ARHGAP24: variants seen among roughly 807,000 people sequenced by gnomAD.
ARHGAP24 encodes rho GTPase-activating protein 24.
In ARHGAP24, 50 loss-of-function variants were observed where a neutral mutation model predicts 76.4. The observed-to-expected ratio is 0.65, with a 90% CI of 0.52 to 0.83. ARHGAP24 has a LOEUF of 0.83. Among genes scored for constraint, ARHGAP24 ranks in the 40% least tolerant of loss-of-function variants. ARHGAP24 has a pLI of 0.00. For synonymous variants in ARHGAP24, 345 were observed against 323.3 expected (o/e 1.07, Z -0.72); for missense variants, 930 against 914.2 (o/e 1.02, Z -0.22).
At chr4:85,561,427 A>G (rs1340055048) in intron 1 of ARHGAP24, among the ~76,000 whole-genome samples, 2 of 152,206 alleles carry the variant, frequency 1.3e-5, no homozygotes, top group South Asian at 4.1e-4. Flanking sequence ...TGTCGGCACC[A>G]CATTTTGATT....
intron 2 of ARHGAP24, among the ~76,000 whole-genome samples, chr4:85,640,936 C>T (rs938262963): frequency 5.9e-5 from 9 of 151,850 alleles, no homozygotes; most frequent in African/African-American, 2.2e-4. Context: ...GAATGCAGCA[C>T]TCAAGCAAAT....
intron 2 of ARHGAP24, among the ~76,000 whole-genome samples, chr4:85,636,555 TACAC>T (rs34719562): frequency 6.6e-6 from 1 of 150,964 alleles, no homozygotes; most frequent in Non-Finnish European, 1.5e-5. Context: ...TTGGGAATAT[TACAC>T]ACACACACAC....
At chr4:85,617,453 CTT>C (rs1720578868) in intron 2 of ARHGAP24, among the ~76,000 whole-genome samples, 1 of 151,906 alleles carries the variant, frequency 6.6e-6, no homozygotes, top group African/African-American at 2.4e-5. Context: ...TATTGTTCCT[CTT>C]TGTTATAAAG....
chr4:85,733,060 C>CTTTTTTT lies in ARHGAP24; in HGVS notation c.268+11103_268+11109dup, dbSNP rs1210109366. Among the ~76,000 whole-genome samples, 205 of 55,206 alleles carry CTTTTTTT rather than the reference C, an allele frequency of 3.7e-3. 49 individuals carry two copies. Among genetic ancestry groups the CTTTTTTT allele is most frequent in the East Asian group, 0.026 (45 of 1,734 alleles). 36.2% of individuals were successfully genotyped at this position (55,206 alleles called of 152,430 possible). A position where few individuals can be genotyped will look rare whatever the true frequency, so the allele number is the denominator to read the frequency against. Reference sequence around the variant, plus strand: ...CTATAGATCTTATAGGCCTCACCAACTTTTTTTTTTTTTTTTTTTTTGAGA... The same window carrying CTTTTTTT: ...CTATAGATCTTATAGGCCTCACCAACTTTTTTTTTTTTTTTTTTTTTTTTTTTTGAGA... On this transcript the variant is annotated intron_variant, in intron 3 of 9. Coordinates refer to ENST00000395184, the MANE Select transcript of ARHGAP24 (RefSeq NM_001025616.3).
Position 85,835,948 on chromosome 4 carries a change from A to C in ARHGAP24, c.269-87700A>C, listed in dbSNP as rs928995282. Among the ~76,000 whole-genome samples, 3 of 152,148 alleles carry C rather than the reference A, an allele frequency of 2.0e-5. No homozygotes were observed. In the East Asian group the frequency reaches 5.8e-4, roughly 30 times the overall value. ...TGGCCCAGCTGCCTTGGCCTCCCAA[A>C]GTGCTGGGATTACAGGTGCGGCCAG... On this transcript the variant is annotated intron_variant, in intron 3 of 9. Coordinates refer to ENST00000395184, the MANE Select transcript of ARHGAP24 (RefSeq NM_001025616.3).
intron 3 of ARHGAP24, among the ~76,000 whole-genome samples, chr4:85,917,019 G>A (rs866243172): frequency 4.0e-5 from 6 of 151,830 alleles, no homozygotes; most frequent in Admixed American, 6.6e-5. Context: ...CCATTAACTC[G>A]TCATTTAGCA....
At chr4:85,644,691 G>A (rs955314942) in intron 2 of ARHGAP24, among the ~76,000 whole-genome samples, 2 of 152,108 alleles carry the variant, frequency 1.3e-5, no homozygotes, top group East Asian at 3.9e-4. Flanking sequence ...TGTATGTATG[G>A]CATCTCATAA....
chr4:85,921,486 C>A (rs1187869368), intron 3 of ARHGAP24, among the ~76,000 whole-genome samples: 1 of 151,900 alleles, frequency 6.6e-6, no homozygotes, highest in African/African-American at 2.4e-5. Flanking sequence ...CCCCATGACA[C>A]AAGTTTATCT....
intron 3 of ARHGAP24, among the ~76,000 whole-genome samples, chr4:85,757,427 T>G (rs1054977779): frequency 6.6e-6 from 1 of 151,852 alleles, no homozygotes; most frequent in Non-Finnish European, 1.5e-5. Context: ...CCAAGTGTTC[T>G]CATTGTTCAA....
chr4:85,491,901 C>T (rs1001947191), intron 1 of ARHGAP24, among the ~76,000 whole-genome samples: 1 of 152,142 alleles, frequency 6.6e-6, no homozygotes, highest in Non-Finnish European at 1.5e-5. Context: ...ACCACATCAC[C>T]AGCTTATTTA....
intron 2 of ARHGAP24, among the ~76,000 whole-genome samples, chr4:85,615,950 AGAC>A (rs1720526928): frequency 6.6e-6 from 1 of 152,212 alleles, no homozygotes; most frequent in South Asian, 2.1e-4. Flanking sequence ...GTCTATTCTA[AGAC>A]AACATCTTTG....
At chr4:85,780,838 A>G (rs1207018742) in intron 3 of ARHGAP24, among the ~76,000 whole-genome samples, 5 of 152,214 alleles carry the variant, frequency 3.3e-5, no homozygotes, top group Non-Finnish European at 7.3e-5. Context: ...AGAGGTTGCC[A>G]TGGAAGTAGT....
At chr4:85,886,617 G>A (rs766229133) in intron 3 of ARHGAP24, among the ~76,000 whole-genome samples, 3 of 152,084 alleles carry the variant, frequency 2.0e-5, no homozygotes, top group African/African-American at 4.8e-5. Flanking sequence ...CTTTAAAACC[G>A]ATACATATCC....
intron 5 of ARHGAP24, among the ~76,000 whole-genome samples, chr4:85,964,956 T>C (rs1397249499): frequency 1.3e-5 from 2 of 152,104 alleles, no homozygotes; most frequent in African/African-American, 4.8e-5. Context: ...TTGTACATGA[T>C]AAACTAGCAT....
intron 1 of ARHGAP24, among the ~76,000 whole-genome samples, chr4:85,539,472 A>G (rs1251249864): frequency 6.6e-5 from 10 of 152,194 alleles, no homozygotes; most frequent in African/African-American, 2.4e-4. Context: ...GTTTGAAGAA[A>G]TAAATGGTCA....
intron 3 of ARHGAP24, among the ~76,000 whole-genome samples, chr4:85,887,971 G>A (rs1733658598): frequency 6.6e-6 from 1 of 151,994 alleles, no homozygotes; most frequent in African/African-American, 2.4e-5. Flanking sequence ...AGAACATCCT[G>A]GGTCATATAT....
At chr4:85,559,057 T>C (rs905894840) in intron 1 of ARHGAP24, among the ~76,000 whole-genome samples, 3 of 152,202 alleles carry the variant, frequency 2.0e-5, no homozygotes, top group Admixed American at 1.3e-4. Context: ...GGAGGGGCTC[T>C]ATAAATTATA....
At chr4:85,915,420 T>G (rs1735327210) in intron 3 of ARHGAP24, among the ~76,000 whole-genome samples, 2 of 152,146 alleles carry the variant, frequency 1.3e-5, no homozygotes, top group South Asian at 4.1e-4. Context: ...AGTCATCACT[T>G]TCTTATTTAT....
intron 2 of ARHGAP24, among the ~76,000 whole-genome samples, chr4:85,674,374 G>C (rs1722905885): frequency 6.6e-6 from 1 of 152,184 alleles, no homozygotes; most frequent in Non-Finnish European, 1.5e-5. Flanking sequence ...TATCTTCCCT[G>C]TCAAAGATGC....
Sources: gnomAD v4.1 joint callset for allele counts (sites outside exome capture counted in the v4.1 genomes callset) on GRCh38, gnomAD v4.1.1 for gene constraint, MANE v1.5 for transcripts, NCBI Gene and HGNC (gene_info 2026-07-23, HGNC 2026-07-21) for gene names.